The following RNF121 variants were observed in gnomAD, a reference collection of about 807,000 sequenced individuals.
RNF121 encodes E3 ubiquitin ligase RNF121.
In RNF121, 21 loss-of-function variants were observed where a neutral mutation model predicts 46.5. That is an observed-to-expected ratio of 0.45 (90% CI 0.32 to 0.65). The LOEUF is 0.65. Among genes scored for constraint, RNF121 ranks in the 30% least tolerant of loss-of-function variants. RNF121 has a pLI of 0.04. For synonymous variants in RNF121, 139 were observed against 144.7 expected, an observed-to-expected ratio of 0.96 and a Z score of 0.28; for missense variants, 346 against 416.0, an observed-to-expected ratio of 0.83 and a Z score of 1.46.
chr11:71,992,893 G>A (rs1325201774), intron 6 of RNF121, among the ~76,000 whole-genome samples: 1 of 152,028 alleles, frequency 6.6e-6, no homozygotes, highest in Non-Finnish European at 1.5e-5. Context: ...AAAGTAGTAT[G>A]TTCTCTTTGT....
intron 3 of RNF121, among the ~76,000 whole-genome samples, chr11:71,975,527 A>G (rs1954510092): frequency 6.6e-6 from 1 of 152,166 alleles, no homozygotes; most frequent in Non-Finnish European, 1.5e-5. Context: ...CTTTGAGTGG[A>G]GTGCCTCTCC....
intron 6 of RNF121, among the ~76,000 whole-genome samples, chr11:71,992,194 A>G (rs1033232726): frequency 6.6e-6 from 1 of 152,240 alleles, no homozygotes; most frequent in Non-Finnish European, 1.5e-5. Flanking sequence ...CCATATTGGT[A>G]ATTGTTTTTG....
intron 5 of RNF121, among the ~76,000 whole-genome samples, chr11:71,988,621 TAGTG>T (rs1954810685): frequency 7.1e-6 from 1 of 141,284 alleles, no homozygotes; most frequent in Admixed American, 7.4e-5. Context: ...CTGGGCAACA[TAGTG>T]AGACTCTCAA....
At chr11:71,961,017 T>C in intron 3 of RNF121, 126 bp downstream of exon 3, 1 of 1,065,696 alleles carries the variant, frequency 9.4e-7, no homozygotes, top group Non-Finnish European at 1.4e-6. Context: ...GAACTTTATG[T>C]ATGAATGATG....
At chr11:71,943,755 G>C (rs1358104999) in intron 1 of RNF121, among the ~76,000 whole-genome samples, 1 of 152,220 alleles carries the variant, frequency 6.6e-6, no homozygotes, top group Non-Finnish European at 1.5e-5. Flanking sequence ...CCATAGCTGA[G>C]TGTGAAAGTG....
chr11:71,976,345 CTTTTTTTTTTTTT>C (rs35710756), intron 3 of RNF121, among the ~76,000 whole-genome samples: 24 of 46,082 alleles, frequency 5.2e-4, no homozygotes, highest in South Asian at 4.0e-3. Context: ...TGGGTATATT[CTTTTTTTTTTTTT>C]TTTTTTTTTT....
intron 5 of RNF121, 43 bp from the exon 6 acceptor site, chr11:71,990,554 T>G (rs761715384): frequency 9.3e-6 from 15 of 1,605,162 alleles, no homozygotes; most frequent in Non-Finnish European, 1.2e-5. Context: ...ATAGAAGATA[T>G]GTCTCAGGGT....
chr11:71,993,916 C>T (rs1051408152), intron 6 of RNF121, among the ~76,000 whole-genome samples: 1 of 150,826 alleles, frequency 6.6e-6, no homozygotes, highest in African/African-American at 2.4e-5. Context: ...TCTCGGCTCA[C>T]TGCAAGCTCT....
intron 1 of RNF121, among the ~76,000 whole-genome samples, chr11:71,930,947 C>G (rs1357298926): frequency 6.6e-6 from 1 of 152,158 alleles, no homozygotes; most frequent in Non-Finnish European, 1.5e-5. Flanking sequence ...ATTCTCCTGC[C>G]TCAGCCTCCT....
Position 71,997,573 on chromosome 11 carries a change from C to A in RNF121, c.*1258C>A, listed in dbSNP as rs1955015572. Reference sequence around the variant, plus strand: ...TTGTCACTCCCGTCTGAATAAAGCTCCATGAGCTGGGTTGGAAAGCTGAAC... The same window carrying A: ...TTGTCACTCCCGTCTGAATAAAGCTACATGAGCTGGGTTGGAAAGCTGAAC... On this transcript the variant is annotated 3_prime_UTR_variant, in exon 9 of 9. Transcript: ENST00000361756. 1 of 152,318 alleles carries A rather than the reference C, an allele frequency of 6.6e-6. No homozygotes were observed. Among genetic ancestry groups the A allele is most frequent in the South Asian group, 2.1e-4 (1 of 4,824 alleles). 9.4% of individuals were successfully genotyped at this position (152,318 alleles called of 1,614,324 possible). A position where few individuals can be genotyped will look rare whatever the true frequency, so the allele number is the denominator to read the frequency against.
intron 6 of RNF121, among the ~76,000 whole-genome samples, chr11:71,993,032 C>T (rs964325392): frequency 3.3e-5 from 5 of 151,908 alleles, no homozygotes; most frequent in African/African-American, 1.2e-4. Flanking sequence ...GGACTTTGTC[C>T]CTCAGTATCA....
chr11:71,933,424 T>C (rs1459587709), intron 1 of RNF121, among the ~76,000 whole-genome samples: 1 of 152,216 alleles, frequency 6.6e-6, no homozygotes, highest in Non-Finnish European at 1.5e-5. Context: ...AATTTACCTC[T>C]CTTTGGCCCT....
rs117979147 is a variant in RNF121, at chr11:71,965,807, A to G, written c.243+4916A>G. On this transcript the variant is annotated intron_variant, in intron 3 of 8. Transcript: ENST00000361756. ...AAAGTTATAGCTATTATAGTTTACAATCCATCAACACAGATTTAACAGAGC... is the reference window on the plus strand; with the variant it reads ...AAAGTTATAGCTATTATAGTTTACAGTCCATCAACACAGATTTAACAGAGC... Among the ~76,000 whole-genome samples, 1,453 of 152,306 alleles carry G rather than the reference A, an allele frequency of 9.5e-3. 11 individuals are homozygous for G. The highest frequency in any genetic ancestry group is 0.017 in the Non-Finnish European group (1,140 of 68,016).
chr11:71,992,701 C>T (rs141017071), intron 6 of RNF121, among the ~76,000 whole-genome samples: 407 of 152,272 alleles, frequency 2.7e-3, no homozygotes, highest in African/African-American at 9.2e-3. Context: ...ATTTCTGATT[C>T]GGCAACTGCT....
At chr11:71,964,017 A>T (rs1954208404) in intron 3 of RNF121, among the ~76,000 whole-genome samples, 2 of 152,300 alleles carry the variant, frequency 1.3e-5, no homozygotes, top group African/African-American at 4.8e-5. Flanking sequence ...TTCCTTATTA[A>T]TTTTAATATC....
At chr11:71,966,777 C>T (rs1318830017) in intron 3 of RNF121, among the ~76,000 whole-genome samples, 1 of 151,968 alleles carries the variant, frequency 6.6e-6, no homozygotes. Context: ...CATGAGCCAC[C>T]ACAATTGGCC....
At chr11:71,948,513 CAAA>C (rs55762433) in intron 1 of RNF121, among the ~76,000 whole-genome samples, 2,018 of 35,070 alleles carry the variant, frequency 0.058, 5 homozygotes, top group East Asian at 0.15. Flanking sequence ...AAACTGTCTC[CAAA>C]AAAAAAAAAA....
intron 7 of RNF121, 55 bp downstream of exon 7, chr11:71,994,907 TGAGA>T: frequency 6.2e-7 from 1 of 1,609,308 alleles, no homozygotes; most frequent in Non-Finnish European, 8.5e-7. Context: ...CACACTGTAG[TGAGA>T]GAGAGAAAGA....
chr11:71,969,829 A>T (rs886926433), intron 3 of RNF121, among the ~76,000 whole-genome samples: 2 of 152,162 alleles, frequency 1.3e-5, no homozygotes, highest in African/African-American at 4.8e-5. Context: ...GGCCTCTCAA[A>T]GTATTGGGAT....
Sources: allele counts gnomAD v4.1 joint callset (sites outside exome capture counted in the v4.1 genomes callset), GRCh38; gene constraint gnomAD v4.1.1; transcripts MANE v1.5; gene names NCBI Gene and HGNC (gene_info 2026-07-23, HGNC 2026-07-21).